Variants in APBB2 observed in about 807,000 individuals in gnomAD.
APBB2 encodes Fe65-like 1.
In APBB2, 38 loss-of-function variants were observed where a neutral mutation model predicts 82.5. That is an observed-to-expected ratio of 0.46 (90% CI 0.36 to 0.60). The LOEUF is 0.60. APBB2 is among the 20% of genes least tolerant of loss of function. APBB2 has a pLI of 0.00. For synonymous variants in APBB2, 341 were observed against 368.2 expected (o/e 0.93, Z 0.85); for missense variants, 772 against 972.3 (o/e 0.79, Z 2.74).
chr4:41,123,375 C>A (rs1258200296), intron 2 of APBB2, among the ~76,000 whole-genome samples: 1 of 152,060 alleles, frequency 6.6e-6, no homozygotes, highest in Non-Finnish European at 1.5e-5. Flanking sequence ...TTCCAGTGAC[C>A]AAGGAGATGC....
chr4:41,000,975 T>C (rs1680111154), intron 6 of APBB2, among the ~76,000 whole-genome samples: 1 of 152,182 alleles, frequency 6.6e-6, no homozygotes, highest in Non-Finnish European at 1.5e-5. Flanking sequence ...GCACAGGCTG[T>C]GGAATAGCTT....
chr4:40,821,840 G>A (rs1006857809), intron 17 of APBB2, 31 bp downstream of exon 17: 8 of 1,606,556 alleles, frequency 5.0e-6, no homozygotes, highest in Middle Eastern at 2.2e-4. Flanking sequence ...AGAGGCGGGA[G>A]GGCTCAACAG....
intron 10 of APBB2, among the ~76,000 whole-genome samples, chr4:40,919,422 C>T (rs1780702579): frequency 1.3e-5 from 2 of 152,366 alleles, no homozygotes; most frequent in South Asian, 4.1e-4. Context: ...GTGCTATCTA[C>T]ATTTTAATGC....
chr4:41,088,892 G>A (rs935733609), intron 3 of APBB2, among the ~76,000 whole-genome samples: 3 of 152,170 alleles, frequency 2.0e-5, no homozygotes, highest in African/African-American at 7.2e-5. Flanking sequence ...TGCTTAGCAG[G>A]GTGTGCAATG....
At chr4:40,970,819 C>A (rs774936785) in intron 6 of APBB2, among the ~76,000 whole-genome samples, 13 of 152,130 alleles carry the variant, frequency 8.5e-5, no homozygotes, top group Admixed American at 6.5e-4. Flanking sequence ...TCCCACAAGC[C>A]AGGAAACCCC....
intron 1 of APBB2, among the ~76,000 whole-genome samples, chr4:41,160,117 G>A (rs1458283517): frequency 6.6e-6 from 1 of 152,138 alleles, no homozygotes; most frequent in Non-Finnish European, 1.5e-5. Context: ...ACAAGGCCAC[G>A]GAGGTGATTC....
At chr4:40,843,535 G>T (rs12644365) in intron 12 of APBB2, among the ~76,000 whole-genome samples, 7 of 152,146 alleles carry the variant, frequency 4.6e-5, no homozygotes, top group Non-Finnish European at 8.8e-5. Context: ...TATAATACCC[G>T]AACTGTCAAC....
chr4:40,944,727 A>G, intron 7 of APBB2, 138 bp downstream of exon 7: 1 of 786,598 alleles, frequency 1.3e-6, no homozygotes, highest in East Asian at 2.5e-5. Context: ...AGGAAGCATT[A>G]CTGAGATTTC....
In APBB2 at chr4:41,054,652, T is replaced by G. The variant is rs535759661; in HGVS notation, c.-51+10924A>C. On this transcript the variant is annotated intron_variant, in intron 4 of 17. Coordinates refer to ENST00000508593, the MANE Select transcript of APBB2 (RefSeq NM_004307.2). ...ATAACAACAAACAAATAAAAATTGC[T>G]TAATCTTTTAAGTTCATATACCTTG... 7.9e-5 allele frequency among the ~76,000 whole-genome samples: 12 copies of G among 152,252 alleles called. No homozygotes were observed. In the South Asian group the frequency reaches 1.7e-3, roughly 21 times the overall value.
intron 10 of APBB2, among the ~76,000 whole-genome samples, chr4:40,902,456 A>G (rs1578301903): frequency 6.6e-6 from 1 of 152,210 alleles, no homozygotes; most frequent in Non-Finnish European, 1.5e-5. Flanking sequence ...GGGCTGCACA[A>G]CTTCAGGGTG....
At chr4:41,027,650 A>G (rs1714989558) in intron 5 of APBB2, among the ~76,000 whole-genome samples, 1 of 152,154 alleles carries the variant, frequency 6.6e-6, no homozygotes, top group African/African-American at 2.4e-5. Flanking sequence ...AAGACTCAAT[A>G]AATGTTTTTT....
chr4:41,140,055 CA>C (rs1758663484), intron 2 of APBB2, among the ~76,000 whole-genome samples: 1 of 151,972 alleles, frequency 6.6e-6, no homozygotes, highest in Non-Finnish European at 1.5e-5. Context: ...AGTGTAATTA[CA>C]AAATATAATA....
chr4:40,983,533 T>C (rs911990781), intron 6 of APBB2, among the ~76,000 whole-genome samples: 4 of 151,996 alleles, frequency 2.6e-5, no homozygotes, highest in Non-Finnish European at 5.9e-5. Context: ...CTTAGTACAA[T>C]GTCACAGGGA....
chr4:41,088,965 A>C (rs1156786596), intron 3 of APBB2, among the ~76,000 whole-genome samples: 1 of 152,136 alleles, frequency 6.6e-6, no homozygotes, highest in Non-Finnish European at 1.5e-5. Flanking sequence ...ACCATATGAA[A>C]ATGGTTTCTC....
At chr4:41,191,145 A>G (rs990949741) in intron 1 of APBB2, among the ~76,000 whole-genome samples, 4 of 152,196 alleles carry the variant, frequency 2.6e-5, no homozygotes, top group African/African-American at 9.6e-5. Context: ...GACTGATAAA[A>G]TATTTCACTC....
At chr4:41,117,473 G>A (rs1272964231) in intron 2 of APBB2, among the ~76,000 whole-genome samples, 1 of 151,640 alleles carries the variant, frequency 6.6e-6, no homozygotes, top group South Asian at 2.1e-4. Flanking sequence ...TTGTATTTTT[G>A]ATAAAGATGG....
chr4:40,888,200 A>T (rs1421070937), intron 12 of APBB2, among the ~76,000 whole-genome samples: 1 of 152,240 alleles, frequency 6.6e-6, no homozygotes, highest in Admixed American at 6.5e-5. Context: ...GCACATGCAC[A>T]TATACGTATG....
chr4:40,870,745 T>C (rs547084533), intron 12 of APBB2, among the ~76,000 whole-genome samples: 1 of 151,296 alleles, frequency 6.6e-6, no homozygotes, highest in African/African-American at 2.4e-5. Context: ...TTTTTTTTTT[T>C]TTTTTTGGAG....
At chr4:41,008,551 G>GT (rs1378863989) in intron 6 of APBB2, among the ~76,000 whole-genome samples, 2 of 152,072 alleles carry the variant, frequency 1.3e-5, no homozygotes, top group Non-Finnish European at 2.9e-5. Context: ...CCAGAAAGTC[G>GT]TAACTCAGAG....
Sources: allele counts gnomAD v4.1 joint callset (sites outside exome capture counted in the v4.1 genomes callset), GRCh38; gene constraint gnomAD v4.1.1; transcripts MANE v1.5; gene names NCBI Gene and HGNC (gene_info 2026-07-23, HGNC 2026-07-21).